The following DLGAP2 variants were observed in gnomAD, a reference collection of about 807,000 sequenced individuals.
DLGAP2 encodes the protein DLG associated protein 2.
In DLGAP2, 26 loss-of-function variants were observed where a neutral mutation model predicts 100.3. The ratio of observed to expected loss-of-function variants is 0.26; its 90% confidence interval spans 0.19 to 0.36. The LOEUF is 0.36. Among genes scored for constraint, DLGAP2 ranks in the 10% least tolerant of loss-of-function variants. DLGAP2 has a pLI of 1.00. For missense variants in DLGAP2, 1,858 were observed against 1,453.2 expected (o/e 1.28, Z -4.53); for synonymous variants, 886 against 630.1 (o/e 1.41, Z -6.08).
At chr8:1,541,100 C>T (rs1801347904) in intron 4 of DLGAP2, among the ~76,000 whole-genome samples, 2 of 152,186 alleles carry the variant, frequency 1.3e-5, no homozygotes, top group African/African-American at 4.8e-5. Context: ...TTATTCGGAG[C>T]AATTCCAGCC....
chr8:1,679,547 C>T lies in DLGAP2; in HGVS notation c.2704+918C>T, dbSNP rs554885942. ...TCACTCCTGGGTGGAATGGGAGGGC[C>T]GTGTCATTCTTCTACCAGTGTCACC... On this transcript the variant is annotated intron_variant, in intron 12 of 14. Coordinates refer to ENST00000637795, the MANE Select transcript of DLGAP2 (RefSeq NM_001346810.2). Among the ~76,000 whole-genome samples, 20 of 152,334 alleles carry T rather than the reference C, an allele frequency of 1.3e-4. No homozygotes were observed. The Middle Eastern group carries it at 0.014, about 104-fold the overall frequency.
chr8:1,480,454 C>G (rs540427155), intron 3 of DLGAP2, among the ~76,000 whole-genome samples: 3 of 152,128 alleles, frequency 2.0e-5, no homozygotes, highest in Non-Finnish European at 4.4e-5. Context: ...TTGCTTAAAC[C>G]CAGAAATACA....
At chr8:1,143,408 C>A (rs1427645953) in intron 2 of DLGAP2, among the ~76,000 whole-genome samples, 1 of 152,312 alleles carries the variant, frequency 6.6e-6, no homozygotes, top group Admixed American at 6.5e-5. Flanking sequence ...ATATCTCTAT[C>A]AAACTTTCAG....
chr8:1,073,294 G>C (rs1444224511), intron 2 of DLGAP2, among the ~76,000 whole-genome samples: 1 of 151,774 alleles, frequency 6.6e-6, no homozygotes, highest in Non-Finnish European at 1.5e-5. Context: ...AAAAAAACTG[G>C]GTATAAAACA....
chr8:1,111,791 A>G (rs1403860585), intron 2 of DLGAP2, among the ~76,000 whole-genome samples: 1 of 152,096 alleles, frequency 6.6e-6, no homozygotes, highest in Admixed American at 6.5e-5. Flanking sequence ...CACATTCTCT[A>G]TATTCAGTCT....
At chr8:1,573,613 C>T (rs950778444) in intron 6 of DLGAP2, among the ~76,000 whole-genome samples, 14 of 130,274 alleles carry the variant, frequency 1.1e-4, no homozygotes, top group African/African-American at 3.5e-4. Flanking sequence ...GGGAAGTATG[C>T]AGGAAACATC....
At chr8:1,563,150 G>T (rs1802242760) in intron 5 of DLGAP2, among the ~76,000 whole-genome samples, 1 of 65,736 alleles carries the variant, frequency 1.5e-5, no homozygotes, top group Non-Finnish European at 3.1e-5. Flanking sequence ...TGTGGTGTTG[G>T]GGTGTCCGCG....
chr8:987,894 T>C (rs192968758), intron 2 of DLGAP2, among the ~76,000 whole-genome samples: 1 of 152,352 alleles, frequency 6.6e-6, no homozygotes, highest in East Asian at 1.9e-4. Flanking sequence ...AGGATTCTAT[T>C]ACATGTTTTA....
intron 4 of DLGAP2, among the ~76,000 whole-genome samples, chr8:1,534,724 CAA>C (rs1037846434): frequency 3.5e-4 from 53 of 152,030 alleles, no homozygotes; most frequent in African/African-American, 1.2e-3. Context: ...ACCTGCTGGT[CAA>C]AGATTAATCA....
At chr8:1,131,584 C>T (rs1796295539) in intron 2 of DLGAP2, among the ~76,000 whole-genome samples, 5 of 152,068 alleles carry the variant, frequency 3.3e-5, no homozygotes, top group Admixed American at 3.3e-4. Context: ...AGGGCTTCAC[C>T]GTGTGAATTT....
intron 2 of DLGAP2, among the ~76,000 whole-genome samples, chr8:1,116,690 A>G (rs28707374): frequency 0.26 from 39,619 of 152,040 alleles, 6,004 homozygotes; most frequent in Admixed American, 0.33. Flanking sequence ...CAGCTAACTC[A>G]GGAGGCTCTC....
chr8:1,026,294 C>A lies in DLGAP2; in HGVS notation c.73+118328C>A, dbSNP rs1004134391. ...AGATGGCGCGCTTGCCCCATGACCC[C>A]AACGCTTTGCTCTTCACGTCTCCTT... On this transcript the variant is annotated intron_variant, in intron 2 of 14. Coordinates refer to ENST00000637795, the MANE Select transcript of DLGAP2 (RefSeq NM_001346810.2). Among the ~76,000 whole-genome samples the A allele has an allele frequency of 2.6e-5, 4 of 152,194 alleles. No homozygotes were observed. The South Asian group carries it at 8.3e-4, about 32-fold the overall frequency.
At chr8:1,451,657 C>G (rs529696856) in intron 3 of DLGAP2, among the ~76,000 whole-genome samples, 3 of 152,200 alleles carry the variant, frequency 2.0e-5, no homozygotes, top group East Asian at 3.9e-4. Context: ...CTCCCCACAT[C>G]GAAAACTGAG....
At chr8:1,324,375 C>G (rs375572970) in intron 3 of DLGAP2, among the ~76,000 whole-genome samples, 1 of 152,196 alleles carries the variant, frequency 6.6e-6, no homozygotes, top group African/African-American at 2.4e-5. Flanking sequence ...CTTTACAACA[C>G]TGTAAGAAAG....
chr8:1,120,624 C>T, intron 2 of DLGAP2, among the ~76,000 whole-genome samples: 1 of 151,890 alleles, frequency 6.6e-6, no homozygotes, highest in African/African-American at 2.4e-5. Flanking sequence ...CCATGACCAC[C>T]CATCCTCATT....
chr8:1,100,749 C>T (rs1157650590), intron 2 of DLGAP2, among the ~76,000 whole-genome samples: 1 of 152,172 alleles, frequency 6.6e-6, no homozygotes, highest in Non-Finnish European at 1.5e-5. Flanking sequence ...GCATGATCTG[C>T]CACGCAGGAC....
chr8:1,597,971 T>G (rs1796510818), intron 6 of DLGAP2, among the ~76,000 whole-genome samples: 1 of 152,150 alleles, frequency 6.6e-6, no homozygotes, highest in Non-Finnish European at 1.5e-5. Context: ...ATGCTTCCAG[T>G]TTTTGCCCAT....
chr8:793,996 T>G (rs1346426063), intron 1 of DLGAP2, among the ~76,000 whole-genome samples: 1 of 152,136 alleles, frequency 6.6e-6, no homozygotes. Context: ...CCTTTTGGCC[T>G]GTGGGTGGGG....
intron 2 of DLGAP2, among the ~76,000 whole-genome samples, chr8:1,164,412 T>TGTGAGCCCCCCAGGGC (rs1796973207): frequency 6.6e-6 from 1 of 152,030 alleles, no homozygotes; most frequent in East Asian, 1.9e-4. Flanking sequence ...TTTTGGTTTC[T>TGTGAGCCCCCCAGGGC]CTGGAGCTGC....
Sources: gnomAD v4.1 joint callset for allele counts (sites outside exome capture counted in the v4.1 genomes callset) on GRCh38, gnomAD v4.1.1 for gene constraint, MANE v1.5 for transcripts, NCBI Gene and HGNC (gene_info 2026-07-23, HGNC 2026-07-21) for gene names.